Variants in ARID5B observed in about 807,000 individuals in gnomAD.
ARID5B encodes AT-rich interactive domain-containing protein 5B.
ARID5B carries 13 observed loss-of-function variants against 97.2 expected under a neutral mutation model. The ratio of observed to expected loss-of-function variants is 0.13; its 90% CI spans 0.09 to 0.21. The LOEUF is 0.21. Ranked by LOEUF, ARID5B falls within the 10% of genes least tolerant of loss-of-function variation. The pLI, the probability that ARID5B is intolerant of heterozygous loss-of-function variation, is 1.00. For missense variants in ARID5B, 1,210 were observed against 1,465.3 expected (o/e 0.83, Z 2.84); for synonymous variants, 556 against 570.3 (o/e 0.97, Z 0.36).
intron 6 of ARID5B, among the ~76,000 whole-genome samples, chr10:62,058,488 A>G (rs1839884093): frequency 6.6e-6 from 1 of 152,224 alleles, no homozygotes; most frequent in South Asian, 2.1e-4. Context: ...GGTGTTTGGT[A>G]TAAATGAACA....
intron 9 of ARID5B, among the ~76,000 whole-genome samples, chr10:62,089,318 A>AG (rs1427111172): frequency 6.6e-6 from 1 of 152,022 alleles, no homozygotes; most frequent in Admixed American, 6.5e-5. Flanking sequence ...CCTAAAATTC[A>AG]GGGTTTTTTT....
chr10:61,982,823 G>A (rs762519987), intron 3 of ARID5B, among the ~76,000 whole-genome samples: 1 of 152,200 alleles, frequency 6.6e-6, no homozygotes, highest in Non-Finnish European at 1.5e-5. Flanking sequence ...ATAAGAAGAT[G>A]AGATTTTATT....
chr10:61,951,074 T>C (rs754387877), intron 3 of ARID5B, among the ~76,000 whole-genome samples: 9 of 152,272 alleles, frequency 5.9e-5, no homozygotes, highest in Non-Finnish European at 1.2e-4. Context: ...ACATTAACTT[T>C]CCTAAATGTC....
intron 9 of ARID5B, 128 bp downstream of exon 9, chr10:62,086,028 A>G: frequency 3.0e-6 from 3 of 987,776 alleles, no homozygotes; most frequent in Non-Finnish European, 3.0e-6. Flanking sequence ...CAAGAAATCT[A>G]AGCTTCACAG....
chr10:62,057,097 GTATA>G lies in ARID5B; in HGVS notation c.847-18_847-15del, dbSNP rs1839866050. 1 of 1,612,272 alleles carries G rather than the reference GTATA, an allele frequency of 6.2e-7. No individual in the cohort carries two copies. Among genetic ancestry groups the G allele is most frequent in the African/African-American group, 1.3e-5 (1 of 74,848 alleles). ...CTGGGGCTGTGCCTCGTCTGATGTG[GTATA>G]TTTTCCCTTTTCCAGGTGAAATGTG... On this transcript the variant is annotated splice_polypyrimidine_tract_variant and intron_variant, in intron 5 of 9. Coordinates refer to ENST00000279873, the MANE Select transcript of ARID5B (RefSeq NM_032199.3).
chr10:62,067,090 CTT>C (rs58181996), intron 7 of ARID5B, among the ~76,000 whole-genome samples: 1 of 145,188 alleles, frequency 6.9e-6, no homozygotes, highest in Admixed American at 6.9e-5. Context: ...TATAGAACTT[CTT>C]TTTTTTTTTT....
intron 2 of ARID5B, among the ~76,000 whole-genome samples, chr10:61,920,102 A>T (rs77285807): frequency 0.012 from 1,796 of 152,240 alleles, 15 homozygotes; most frequent in Middle Eastern, 0.041. Context: ...ATATTGAGAT[A>T]TCTCAGTTGT....
At chr10:62,010,448 T>G (rs952271780) in intron 4 of ARID5B, among the ~76,000 whole-genome samples, 2 of 152,238 alleles carry the variant, frequency 1.3e-5, no homozygotes, top group Admixed American at 1.3e-4. Context: ...ACATGTTTGT[T>G]GAAATGATAC....
chr10:61,965,339 A>G (rs968949203), intron 3 of ARID5B, among the ~76,000 whole-genome samples: 3 of 152,138 alleles, frequency 2.0e-5, no homozygotes, highest in Non-Finnish European at 4.4e-5. Flanking sequence ...ATTTGTAGAG[A>G]GAGGAGGATT....
intron 3 of ARID5B, among the ~76,000 whole-genome samples, chr10:61,961,477 G>T: frequency 6.6e-6 from 1 of 152,178 alleles, no homozygotes; most frequent in East Asian, 1.9e-4. Flanking sequence ...GCTAGAAAGG[G>T]TTGGAACCGG....
intron 2 of ARID5B, among the ~76,000 whole-genome samples, chr10:61,926,928 G>T (rs1238983825): frequency 6.6e-6 from 1 of 152,104 alleles, no homozygotes; most frequent in Non-Finnish European, 1.5e-5. Context: ...CTGGCCTCAA[G>T]CCTATTATTA....
intron 8 of ARID5B, among the ~76,000 whole-genome samples, chr10:62,082,835 A>G (rs777910035): frequency 2.3e-4 from 35 of 152,194 alleles, no homozygotes; most frequent in Non-Finnish European, 4.7e-4. Flanking sequence ...ACATTCAGTG[A>G]AAATTGCACC....
chr10:62,085,989 T>C, intron 9 of ARID5B, 89 bp downstream of exon 9: 1 of 1,357,188 alleles, frequency 7.4e-7, no homozygotes. Context: ...GCTGTGTCCC[T>C]GCACAGTTGG....
chr10:61,931,500 T>C (rs1844209213), intron 2 of ARID5B, among the ~76,000 whole-genome samples: 1 of 152,124 alleles, frequency 6.6e-6, no homozygotes, highest in African/African-American at 2.4e-5. Flanking sequence ...AAAAAAAATC[T>C]AACTGGACTT....
At chr10:62,061,472 G>A (rs902002986) in intron 7 of ARID5B, among the ~76,000 whole-genome samples, 3 of 152,208 alleles carry the variant, frequency 2.0e-5, no homozygotes, top group Non-Finnish European at 4.4e-5. Flanking sequence ...AGTTTCTAGA[G>A]AGAAGGATGG....
chr10:62,003,971 T>G (rs1839115155), intron 4 of ARID5B, among the ~76,000 whole-genome samples: 1 of 152,202 alleles, frequency 6.6e-6, no homozygotes, highest in Admixed American at 6.5e-5. Context: ...TGAAGCTATT[T>G]AATGAAAAGT....
intron 5 of ARID5B, among the ~76,000 whole-genome samples, chr10:62,056,177 C>T (rs1384388340): frequency 6.6e-6 from 1 of 152,174 alleles, no homozygotes; most frequent in Non-Finnish European, 1.5e-5. Context: ...AGGTTAGCCG[C>T]TCGATATGCC....
chr10:62,063,408 G>C (rs572565962), intron 7 of ARID5B, among the ~76,000 whole-genome samples: 3 of 151,796 alleles, frequency 2.0e-5, no homozygotes, highest in Admixed American at 6.6e-5. Flanking sequence ...CATCTTAATT[G>C]GCTTGTTTTT....
At position 62,092,719 on chromosome 10, in the gene ARID5B, C is replaced by G. The variant is rs765012710; in HGVS notation, c.3256C>G (p.Leu1086Val). Residue 1086 changes from leucine to valine, a missense_variant, in exon 10 of 10, where the codon CTG becomes GTG. By Grantham distance (32) the Leu-to-Val change is conservative. Transcript: ENST00000279873. ...CTTCCCAGGTCTGTATTCCGGGAGC[C>G]TGTGTAACTCGGGCCTCAACTCCAG... ...PIFPGLYSGS[L>V]CNSGLNSRLP... The G allele has an allele frequency of 2.5e-6, 4 of 1,614,032 alleles. No individual in the cohort carries two copies. The African/African-American group carries it at 4.0e-5, about 16-fold the overall frequency.
Sources: gnomAD v4.1 joint callset for allele counts (sites outside exome capture counted in the v4.1 genomes callset) on GRCh38, gnomAD v4.1.1 for gene constraint, MANE v1.5 for transcripts, NCBI Gene and HGNC (gene_info 2026-07-23, HGNC 2026-07-21) for gene names.